Variants in TAB1 observed in about 807,000 individuals in gnomAD.
TAB1 encodes the protein TGF-beta activated kinase 1 (MAP3K7) binding protein 1.
A neutral mutation model predicts 54.5 loss-of-function variants in TAB1; 30 were observed. That is an observed-to-expected ratio of 0.55 (90% CI 0.41 to 0.75). TAB1 has a LOEUF of 0.75. Among genes scored for constraint, TAB1 ranks in the 30% least tolerant of loss-of-function variants. The pLI, the probability that TAB1 is intolerant of heterozygous loss-of-function variation, is 0.00. For synonymous variants in TAB1, 289 were observed against 286.9 expected (o/e 1.01, Z -0.07); for missense variants, 609 against 683.2 (o/e 0.89, Z 1.21).
Position 39,430,448 on chromosome 22 carries a change from T to C in TAB1, c.*226T>C. 1.4e-6 allele frequency: 2 copies of C among 1,418,582 alleles called. No homozygotes were observed. The highest frequency in any genetic ancestry group is 1.8e-6 in the Non-Finnish European group (2 of 1,086,802). 87.9% of individuals were successfully genotyped at this position (1,418,582 alleles called of 1,614,324 possible). On this transcript the variant is annotated 3_prime_UTR_variant, in exon 11 of 11. Transcript: ENST00000216160. Reference sequence around the variant, plus strand: ...AAGCTGAAGGCCACTTCCTCCCAGATGGCCTCAGCCAGGACCATCGCCCTT... The same window carrying C: ...AAGCTGAAGGCCACTTCCTCCCAGACGGCCTCAGCCAGGACCATCGCCCTT...
At chr22:39,416,742 T>C in intron 3 of TAB1, 49 bp from the exon 4 acceptor site, 1 of 1,563,638 alleles carries the variant, frequency 6.4e-7, no homozygotes, top group Non-Finnish European at 8.8e-7. Context: ...TTGGCACCAG[T>C]GACAGTGGTG....
chr22:39,431,234 G>A lies in TAB1; in HGVS notation c.*1012G>A. 2 of 985,638 alleles carry A rather than the reference G, an allele frequency of 2.0e-6. No individual in the cohort carries two copies. The highest frequency in any genetic ancestry group is 2.4e-6 in the Non-Finnish European group (2 of 830,062). 61.1% of individuals were successfully genotyped at this position (985,638 alleles called of 1,614,324 possible). On this transcript the variant is annotated 3_prime_UTR_variant, in exon 11 of 11. Coordinates refer to ENST00000216160, the MANE Select transcript of TAB1 (RefSeq NM_006116.3). ...GAGGCATAGGAGAAGGGTCGGGCCA[G>A]CCCAGCCCAGGGCCTGAGTTAGACT...
Position 39,426,865 on chromosome 22 carries a change from G to A in TAB1, c.1084G>A (p.Val362Met), listed in dbSNP as rs776084036. The change falls in exon 9 of 11, where the codon GTG (valine) becomes ATG (methionine). Residue 362 changes from valine (V) to methionine (M), a missense_variant. Coordinates refer to ENST00000216160, the MANE Select transcript of TAB1 (RefSeq NM_006116.3). ...CCGGCACGAGGACATGACCCTGCTAGTGAGGAACTTTGGCTACCCGCTGGG... is the reference window on the plus strand; with the variant it reads ...CCGGCACGAGGACATGACCCTGCTAATGAGGAACTTTGGCTACCCGCTGGG... ...CPRHEDMTLL[V>M]RNFGYPLGEM... 3.1e-6 allele frequency: 5 copies of A among 1,613,440 alleles called. No individual in the cohort carries two copies. In the South Asian group the frequency reaches 4.4e-5, roughly 14 times the overall value.
chr22:39,401,034 CAAAAA>C (rs566248298), intron 1 of TAB1, among the ~76,000 whole-genome samples: 4 of 45,714 alleles, frequency 8.8e-5, no homozygotes, highest in African/African-American at 1.4e-4. Flanking sequence ...GACTGTGTCT[CAAAAA>C]AAAAAAAAAA....
Position 39,426,755 on chromosome 22 carries a change from C to T in TAB1, c.974C>T (p.Ala325Val), listed in dbSNP as rs748422246. 42 of 1,613,484 alleles carry T rather than the reference C, an allele frequency of 2.6e-5. No individual in the cohort carries two copies. The highest frequency in any genetic ancestry group is 3.6e-5 in the Non-Finnish European group (42 of 1,179,584). The change falls in exon 9 of 11, where the codon GCA (alanine) becomes GTA (valine). Residue 325 changes from alanine to valine, a missense_variant. Coordinates refer to ENST00000216160, the MANE Select transcript of TAB1 (RefSeq NM_006116.3). ...TTTGCCAAGCAGACCTCCCTGGACGCAGTGGCCCAGGCCGTCGTGGACCGG... is the reference window on the plus strand; with the variant it reads ...TTTGCCAAGCAGACCTCCCTGGACGTAGTGGCCCAGGCCGTCGTGGACCGG... ...TEFAKQTSLD[A>V]VAQAVVDRVK...
intron 7 of TAB1, among the ~76,000 whole-genome samples, chr22:39,420,106 A>G (rs974401639): frequency 1.3e-5 from 2 of 152,106 alleles, no homozygotes; most frequent in Non-Finnish European, 2.9e-5. Context: ...TGAATTGTGT[A>G]TTTCCCTCTG....
At chr22:39,429,646 T>A (rs1354899898) in intron 10 of TAB1, among the ~76,000 whole-genome samples, 2 of 152,052 alleles carry the variant, frequency 1.3e-5, no homozygotes, top group Admixed American at 1.3e-4. Context: ...CCTGGGTAAA[T>A]TTTTTTTGTA....
At chr22:39,418,596 C>T (rs527961217) in intron 5 of TAB1, 136 bp from the exon 6 acceptor site, 81 of 655,020 alleles carry the variant, frequency 1.2e-4, no homozygotes, top group Middle Eastern at 5.0e-4. Flanking sequence ...TGACTCACCC[C>T]GTTGGTCTGA....
chr22:39,432,575 C>T (rs141668446), downstream of TAB1: 173 of 200,298 alleles, frequency 8.6e-4, 1 homozygote, highest in East Asian at 0.024. Flanking sequence ...CCAGCCGAGC[C>T]GCCAGGGGTC....
rs1195665594 is a variant in TAB1 at position 39,399,884 on chromosome 22, G to A, written c.33+49G>A. 3.2e-6 allele frequency: 5 copies of A among 1,554,356 alleles called. No individual in the cohort carries two copies. The African/African-American group carries it at 5.5e-5, about 17-fold the overall frequency. ...GGCTTGGGGTTGGGAGCCTGGGCGG[G>A]GGTGCTGTCGGGTGCAGGAACGGCT... On this transcript the variant is annotated intron_variant, in intron 1 of 10. Coordinates refer to ENST00000216160, the MANE Select transcript of TAB1 (RefSeq NM_006116.3).
At chr22:39,412,097 G>A (rs185507609) in intron 1 of TAB1, among the ~76,000 whole-genome samples, 26 of 152,300 alleles carry the variant, frequency 1.7e-4, no homozygotes, top group African/African-American at 6.3e-4. Context: ...GAGTGCAGTG[G>A]TGTGCAATCT....
intron 3 of TAB1, among the ~76,000 whole-genome samples, chr22:39,416,026 C>T (rs561273712): frequency 3.3e-5 from 5 of 152,304 alleles, no homozygotes; most frequent in South Asian, 4.1e-4. Context: ...CATCCCTGGG[C>T]GTCCAGGAAG....
intron 7 of TAB1, 105 bp from the exon 8 acceptor site, chr22:39,421,722 G>A (rs977216702): frequency 1.4e-5 from 17 of 1,202,654 alleles, no homozygotes; most frequent in Admixed American, 2.1e-5. Flanking sequence ...GTCAGGTTGT[G>A]TGTTTTATTT....
rs748314614 is a variant in TAB1 at position 39,417,804 on chromosome 22, G to A, written c.505G>A (p.Val169Ile). The change falls in exon 5 of 11, where the codon GTT becomes ATT. Residue 169 changes from valine (V) to isoleucine (I), a missense_variant. Val to Ile is a conservative substitution (Grantham distance 29). Coordinates refer to ENST00000216160, the MANE Select transcript of TAB1 (RefSeq NM_006116.3). The part of the protein sequence containing the change: ...EREISGGAMA[V>I]VAVLLNNKLY... ...GGAAATTTCGGGAGGGGCCATGGCC[G>A]TTGTGGCGGTCCTTCTCAACAACAA... 8.1e-6 allele frequency: 13 copies of A among 1,612,988 alleles called. No individual in the cohort carries two copies. Among genetic ancestry groups the A allele is most frequent in the South Asian group, 6.6e-5 (6 of 90,840 alleles).
At chr22:39,416,928 C>G (rs370649149) in intron 4 of TAB1, 51 bp downstream of exon 4, 1 of 1,563,896 alleles carries the variant, frequency 6.4e-7, no homozygotes, top group African/African-American at 1.4e-5. Flanking sequence ...CCCAGCTTTG[C>G]AAGGAGCATG....
chr22:39,406,321 C>T (rs1236933999), intron 1 of TAB1, among the ~76,000 whole-genome samples: 1 of 150,954 alleles, frequency 6.6e-6, no homozygotes, highest in Non-Finnish European at 1.5e-5. Context: ...TTGCTTAAAC[C>T]TGGAGGGGCA....
chr22:39,408,624 T>C (rs925811179), intron 1 of TAB1, among the ~76,000 whole-genome samples: 1 of 152,170 alleles, frequency 6.6e-6, no homozygotes, highest in Non-Finnish European at 1.5e-5. Flanking sequence ...TGCCTCAGCC[T>C]TCCGAGTAGC....
At chr22:39,414,045 A>G (rs1926721140) in intron 1 of TAB1, among the ~76,000 whole-genome samples, 1 of 152,192 alleles carries the variant, frequency 6.6e-6, no homozygotes, top group African/African-American at 2.4e-5. Flanking sequence ...CTCTGCAGTG[A>G]TTATGCTGAA....
chr22:39,436,849 CT>C, downstream of TAB1: 1 of 436,022 alleles, frequency 2.3e-6, no homozygotes, highest in Admixed American at 3.8e-5. Context: ...GCTCTTGGAA[CT>C]TGGTCTGCAG....
Sources: gnomAD v4.1 joint callset for allele counts (sites outside exome capture counted in the v4.1 genomes callset) on GRCh38, gnomAD v4.1.1 for gene constraint, MANE v1.5 for transcripts, NCBI Gene and HGNC (gene_info 2026-07-23, HGNC 2026-07-21) for gene names.